TSFM: variants seen among roughly 807,000 people sequenced by gnomAD.
TSFM encodes elongation factor Ts, mitochondrial.
Under a neutral mutation model 33.4 loss-of-function variants are expected in TSFM, and 29 were observed. The observed-to-expected ratio is 0.87, with a 90% CI of 0.65 to 1.18. The LOEUF is 1.18. Among genes scored for constraint, TSFM ranks in the 50% most tolerant of loss-of-function variants. TSFM has a pLI of 0.00. For missense variants in TSFM, 394 were observed against 395.6 expected (o/e 1.00, Z 0.04); for synonymous variants, 178 against 163.5 (o/e 1.09, Z -0.68).
chr12:57,786,974 G>A lies in TSFM; in HGVS notation c.361-66G>A, dbSNP rs1293980502. The A allele has an allele frequency of 2.6e-6, 4 of 1,541,098 alleles. No individual in the cohort carries two copies. The East Asian group carries it at 9.2e-5, about 35-fold the overall frequency. ...TATCAGTATCTTGATTTATTCTCCA[G>A]CCTTAAGGCACTTTTGGAAATTATC... On this transcript the variant is annotated intron_variant, in intron 3 of 5. Coordinates refer to ENST00000652027, the MANE Select transcript of TSFM (RefSeq NM_005726.6).
chr12:57,786,031 C>T (rs1955586288), intron 2 of TSFM, 132 bp from the exon 3 acceptor site: 3 of 1,137,328 alleles, frequency 2.6e-6, no homozygotes, highest in East Asian at 2.9e-5. Context: ...GGTAGACTGC[C>T]AGTAAATGAT....
chr12:57,785,694 T>C (rs1160256793), intron 2 of TSFM, among the ~76,000 whole-genome samples: 1 of 152,218 alleles, frequency 6.6e-6, no homozygotes, highest in Non-Finnish European at 1.5e-5. Context: ...TCAAGTATCA[T>C]GTACTATATG....
intron 4 of TSFM, 110 bp downstream of exon 4, chr12:57,787,272 C>A: frequency 1.8e-6 from 2 of 1,116,532 alleles, no homozygotes; most frequent in Non-Finnish European, 2.5e-6. Flanking sequence ...CACATCTCTG[C>A]TTAAATGCTA....
downstream of TSFM, chr12:57,802,848 A>C: frequency 1.8e-6 from 1 of 550,718 alleles, no homozygotes; most frequent in South Asian, 2.7e-5. Flanking sequence ...CTCCATCCCT[A>C]CTCCACTGCC....
chr12:57,786,938 G>A, intron 3 of TSFM, 102 bp from the exon 4 acceptor site: 1 of 1,318,720 alleles, frequency 7.6e-7, no homozygotes, highest in Non-Finnish European at 1.0e-6. Context: ...CGTTGAGTCT[G>A]TAGCTTGTTC....
intron 3 of TSFM, among the ~76,000 whole-genome samples, chr12:57,786,644 C>T (rs1955595179): frequency 1.3e-5 from 2 of 152,042 alleles, no homozygotes; most frequent in Admixed American, 1.3e-4. Flanking sequence ...GTTTGGGGGC[C>T]ATAATTGGTG....
At chr12:57,800,055 T>G, downstream of TSFM, 2 of 1,178,466 alleles carry the variant, frequency 1.7e-6, no homozygotes, top group Non-Finnish European at 2.4e-6. Context: ...ATAACAATGC[T>G]CCCCAAACCT....
intron 2 of TSFM, among the ~76,000 whole-genome samples, chr12:57,785,747 G>A (rs757717203): frequency 7.9e-5 from 12 of 152,268 alleles, no homozygotes; most frequent in South Asian, 2.1e-4. Context: ...CAGCACAGAC[G>A]TTTTCTTTAC....
intron 1 of TSFM, 109 bp downstream of exon 1, chr12:57,782,967 C>T: frequency 5.4e-6 from 8 of 1,471,472 alleles, no homozygotes; most frequent in Non-Finnish European, 7.3e-6. Context: ...CCTTCCCCGA[C>T]AGCATTGCCT....
intron 5 of TSFM, among the ~76,000 whole-genome samples, chr12:57,793,847 A>T (rs1283613776): frequency 1.3e-5 from 2 of 152,198 alleles, no homozygotes; most frequent in African/African-American, 4.8e-5. Flanking sequence ...TGGCAGGACA[A>T]TTGAGGAGCA....
Position 57,790,674 on chromosome 12 carries a change from T to C in TSFM, c.484-2312T>C, listed in dbSNP as rs147282175. Among the ~76,000 whole-genome samples, 334 of 152,302 alleles carry C rather than the reference T, an allele frequency of 2.2e-3. 7 individuals are homozygous for C. The highest frequency in any genetic ancestry group is 7.8e-3 in the African/African-American group (324 of 41,568). Reference sequence around the variant, plus strand: ...CGTTTAGTTATTTGGATTTTTTTTTTCCTTCTGTGAGCTTATGTTACTCAT... The same window carrying C: ...CGTTTAGTTATTTGGATTTTTTTTTCCCTTCTGTGAGCTTATGTTACTCAT... On this transcript the variant is annotated intron_variant, in intron 4 of 5. Transcript: ENST00000652027.
chr12:57,800,621 T>A (rs904992909), downstream of TSFM: 1 of 152,858 alleles, frequency 6.5e-6, no homozygotes, highest in Non-Finnish European at 1.5e-5. Context: ...TGTTGTTGTG[T>A]TTTTGAGACG....
chr12:57,798,957 G>A (rs574820921), downstream of TSFM, among the ~76,000 whole-genome samples: 1 of 152,234 alleles, frequency 6.6e-6, no homozygotes, highest in South Asian at 2.1e-4. Context: ...ATTCATTCAC[G>A]CAAAACTTAA....
chr12:57,796,094 T>C, intron 5 of TSFM, 83 bp from the exon 6 acceptor site: 2 of 1,255,672 alleles, frequency 1.6e-6, no homozygotes, highest in Non-Finnish European at 2.2e-6. Context: ...TCTTCCAAAC[T>C]GGGCCTCTTC....
intron 4 of TSFM, among the ~76,000 whole-genome samples, chr12:57,790,060 C>CT (rs35382401): frequency 0.57 from 60,538 of 105,388 alleles, 16,879 homozygotes; most frequent in Middle Eastern, 0.72. Context: ...TTCTTTCTTT[C>CT]TTTTTTTTTT....
chr12:57,789,450 ACCT>A (rs1394916933), intron 4 of TSFM, among the ~76,000 whole-genome samples: 1 of 151,788 alleles, frequency 6.6e-6, no homozygotes, highest in Non-Finnish European at 1.5e-5. Flanking sequence ...TGCAACCTTC[ACCT>A]CCTGGGTTCG....
At chr12:57,787,652 G>C (rs1955607729) in intron 4 of TSFM, among the ~76,000 whole-genome samples, 1 of 152,214 alleles carries the variant, frequency 6.6e-6, no homozygotes, top group African/African-American at 2.4e-5. Context: ...ATTGGAGCCA[G>C]GTGTGGTGGC....
At chr12:57,788,780 G>C in intron 4 of TSFM, among the ~76,000 whole-genome samples, 1 of 151,838 alleles carries the variant, frequency 6.6e-6, no homozygotes, top group Non-Finnish European at 1.5e-5. Context: ...GACTACATGT[G>C]CACACCACTA....
chr12:57,793,328 T>TGCCTCA (rs1421354336), intron 5 of TSFM, among the ~76,000 whole-genome samples: 1 of 152,108 alleles, frequency 6.6e-6, no homozygotes, highest in Non-Finnish European at 1.5e-5. Flanking sequence ...CCCAGGTTCC[T>TGCCTCA]GCCTCAGCCT....
Sources: gnomAD v4.1 joint callset for allele counts (sites outside exome capture counted in the v4.1 genomes callset) on GRCh38, gnomAD v4.1.1 for gene constraint, MANE v1.5 for transcripts, NCBI Gene and HGNC (gene_info 2026-07-23, HGNC 2026-07-21) for gene names.